The following CNTNAP4 variants were observed in gnomAD, a reference collection of about 807,000 sequenced individuals.
The protein encoded by CNTNAP4 is contactin-associated protein-like 4.
A neutral mutation model predicts 148.4 loss-of-function variants in CNTNAP4; 98 were observed. The ratio of observed to expected loss-of-function variants is 0.66; its 90% CI spans 0.56 to 0.78. The LOEUF (loss-of-function observed/expected upper bound fraction) is 0.78, where lower values mean the gene tolerates loss of function less well. CNTNAP4 is among the 30% of genes least tolerant of loss of function. The pLI is 0.00. For missense variants in CNTNAP4, 1,935 were observed against 1,565.6 expected (o/e 1.24, Z -3.98); for synonymous variants, 730 against 565.1 (o/e 1.29, Z -4.14).
intron 15 of CNTNAP4, among the ~76,000 whole-genome samples, chr16:76,516,863 A>C (rs2083271777): frequency 6.6e-6 from 1 of 152,176 alleles, no homozygotes; most frequent in Non-Finnish European, 1.5e-5. Flanking sequence ...CAGGAGTTCG[A>C]GACCAGCCTG....
chr16:76,295,485 A>AAGTAGTGACATGTGAGAGGAAGGAG (rs1959215172), intron 1 of CNTNAP4, among the ~76,000 whole-genome samples: 4 of 152,064 alleles, frequency 2.6e-5, no homozygotes, highest in African/African-American at 9.7e-5. Flanking sequence ...AAGGATGGGA[A>AAGTAGTGACATGTGAGAGGAAGGAG]TGATAAAAAA....
intron 15 of CNTNAP4, among the ~76,000 whole-genome samples, chr16:76,511,969 C>T (rs1471492135): frequency 6.6e-6 from 1 of 151,884 alleles, no homozygotes; most frequent in African/African-American, 2.4e-5. Context: ...TCATTTAAAG[C>T]TCAGGAAGAA....
chr16:76,477,361 G>C (rs2081624770), intron 11 of CNTNAP4, among the ~76,000 whole-genome samples: 1 of 152,040 alleles, frequency 6.6e-6, no homozygotes, highest in Admixed American at 6.6e-5. Context: ...CTGAGCAACT[G>C]AACTCTTAGT....
At chr16:76,359,447 G>T (rs780006105) in intron 3 of CNTNAP4, among the ~76,000 whole-genome samples, 2 of 150,288 alleles carry the variant, frequency 1.3e-5, no homozygotes, top group East Asian at 3.9e-4. Flanking sequence ...TCCTCATTTG[G>T]TCTCACTTTG....
chr16:76,302,612 A>G (rs1325481160), intron 1 of CNTNAP4, among the ~76,000 whole-genome samples: 2 of 151,936 alleles, frequency 1.3e-5, no homozygotes, highest in Non-Finnish European at 2.9e-5. Context: ...TCAGGATAAT[A>G]CCCTTTTTAG....
At chr16:76,349,540 G>A (rs1217688770) in intron 2 of CNTNAP4, among the ~76,000 whole-genome samples, 1 of 152,026 alleles carries the variant, frequency 6.6e-6, no homozygotes, top group Non-Finnish European at 1.5e-5. Flanking sequence ...AACAAATATT[G>A]GTACCACGTT....
chr16:76,460,512 A>G (rs1055120499), intron 8 of CNTNAP4, among the ~76,000 whole-genome samples: 4 of 149,848 alleles, frequency 2.7e-5, no homozygotes, highest in African/African-American at 9.8e-5. Flanking sequence ...CTGTAATCCC[A>G]GCACTTTGGG....
At chr16:76,470,536 G>T (rs2081331452) in intron 10 of CNTNAP4, among the ~76,000 whole-genome samples, 1 of 141,882 alleles carries the variant, frequency 7.0e-6, no homozygotes, top group Admixed American at 7.0e-5. Flanking sequence ...TATAATCCCA[G>T]CTTCTCGGGA....
At position 76,548,295 on chromosome 16, in the gene CNTNAP4, C is replaced by CATTTTTTTTTTTTTTTTTTTTTT. The variant is rs759580311; in HGVS notation, c.3443-4988_3443-4987insATTTTTTTTTTTTTTTTTTTTTT. 9.7e-5 allele frequency among the ~76,000 whole-genome samples: 9 copies of CATTTTTTTTTTTTTTTTTTTTTT among 92,910 alleles called. 1 individual carries two copies. The highest frequency in any genetic ancestry group is 2.4e-4 in the African/African-American group (6 of 24,512). 61.0% of individuals were successfully genotyped at this position (92,910 alleles called of 152,430 possible). On this transcript the variant is annotated intron_variant, in intron 21 of 23. Coordinates refer to ENST00000611870, the MANE Select transcript of CNTNAP4 (RefSeq NM_033401.5). ...CCCTGGCTCTCTTGATTCACTGCACCTTTTTTTTTTTTTTTTTTTTTTTTG... is the reference window on the plus strand; with the variant it reads ...CCCTGGCTCTCTTGATTCACTGCACCATTTTTTTTTTTTTTTTTTTTTTTTTTTTTTTTTTTTTTTTTTTTTTG...
chr16:76,352,130 CTT>C (rs2011872634), intron 2 of CNTNAP4, among the ~76,000 whole-genome samples: 1 of 152,126 alleles, frequency 6.6e-6, no homozygotes, highest in African/African-American at 2.4e-5. Flanking sequence ...CCTTTCCTAA[CTT>C]TTTCTTGTAA....
At chr16:76,316,567 C>G in intron 2 of CNTNAP4, 44 bp downstream of exon 2, 1 of 1,288,124 alleles carries the variant, frequency 7.8e-7, no homozygotes, top group Non-Finnish European at 1.1e-6. Flanking sequence ...GAAAATCTCA[C>G]TAGTTTTTCA....
At chr16:76,428,139 T>A (rs1381963872) in intron 4 of CNTNAP4, among the ~76,000 whole-genome samples, 1 of 152,140 alleles carries the variant, frequency 6.6e-6, no homozygotes, top group Admixed American at 6.6e-5. Context: ...TACTTTCACA[T>A]AAAAAAGATA....
intron 3 of CNTNAP4, among the ~76,000 whole-genome samples, chr16:76,391,608 G>A (rs561802284): frequency 6.6e-6 from 1 of 152,264 alleles, no homozygotes; most frequent in African/African-American, 2.4e-5. Context: ...CTTGTGTAAA[G>A]TGCAGACTCC....
intron 3 of CNTNAP4, among the ~76,000 whole-genome samples, chr16:76,425,232 C>T: frequency 6.6e-6 from 1 of 152,142 alleles, no homozygotes; most frequent in East Asian, 1.9e-4. Flanking sequence ...GAGCAGTTTT[C>T]TGGCCTTATA....
chr16:76,413,890 T>TA (rs1047649469), intron 3 of CNTNAP4, among the ~76,000 whole-genome samples: 2 of 151,308 alleles, frequency 1.3e-5, no homozygotes, highest in Non-Finnish European at 3.0e-5. Flanking sequence ...TCTGTTGCTT[T>TA]TGTATAAATG....
chr16:76,434,145 T>C (rs923622913), intron 4 of CNTNAP4, among the ~76,000 whole-genome samples: 4 of 149,408 alleles, frequency 2.7e-5, no homozygotes, highest in Non-Finnish European at 4.4e-5. Context: ...ATATATATAC[T>C]AGAAATATTG....
intron 17 of CNTNAP4, among the ~76,000 whole-genome samples, chr16:76,524,675 G>A (rs2083636908): frequency 6.6e-6 from 1 of 152,068 alleles, no homozygotes; most frequent in African/African-American, 2.4e-5. Flanking sequence ...ATTTTAATAA[G>A]GATCTGAAAG....
chr16:76,449,029 A>G, intron 6 of CNTNAP4, 78 bp downstream of exon 6: 1 of 1,317,172 alleles, frequency 7.6e-7, no homozygotes, highest in Non-Finnish European at 1.1e-6. Flanking sequence ...AATACACTAT[A>G]AAGAGCCCAC....
In CNTNAP4 at chr16:76,512,894, A is replaced by G. The variant is rs1470560677; in HGVS notation, c.2366-8246A>G. On this transcript the variant is annotated intron_variant, in intron 15 of 23. Coordinates refer to ENST00000611870, the MANE Select transcript of CNTNAP4 (RefSeq NM_033401.5). ...TGTGTTAAATGTTGTTAGCTTAAGT[A>G]AGATAAAACTGAGAACTGATAATGG... Among the ~76,000 whole-genome samples the G allele has an allele frequency of 2.0e-5, 3 of 152,190 alleles. No individual in the cohort carries two copies. The East Asian group carries it at 5.8e-4, about 29-fold the overall frequency.
Sources: gnomAD v4.1 joint callset for allele counts (sites outside exome capture counted in the v4.1 genomes callset) on GRCh38, gnomAD v4.1.1 for gene constraint, MANE v1.5 for transcripts, NCBI Gene and HGNC (gene_info 2026-07-23, HGNC 2026-07-21) for gene names.